The following NHSL1 variants were observed in gnomAD, a reference collection of about 807,000 sequenced individuals.
NHSL1 encodes the protein NHS like 1, also known as NHS-like protein 1.
NHSL1 carries 48 observed loss-of-function variants against 95.0 expected under a neutral mutation model. The observed-to-expected ratio is 0.51, with a 90% CI of 0.40 to 0.64. NHSL1 has a LOEUF of 0.64. Ranked by LOEUF, NHSL1 falls within the 30% of genes least tolerant of loss-of-function variation. The pLI is 0.00. For missense variants in NHSL1, 1,971 were observed against 2,077.7 expected (o/e 0.95, Z 1.00); for synonymous variants, 783 against 833.9 (o/e 0.94, Z 1.05).
intron 1 of NHSL1, among the ~76,000 whole-genome samples, chr6:138,541,798 C>T (rs76576754): frequency 0.047 from 7,208 of 152,250 alleles, 179 homozygotes; most frequent in East Asian, 0.09. Context: ...TGGGTATGTA[C>T]ATTTTCAACT....
At chr6:138,460,288 G>A (rs1317297899) in intron 3 of NHSL1, among the ~76,000 whole-genome samples, 1 of 151,520 alleles carries the variant, frequency 6.6e-6, no homozygotes, top group Non-Finnish European at 1.5e-5. Context: ...GGTCAGTTTT[G>A]ATACAATGTA....
Position 138,432,619 on chromosome 6 carries a change from A to G in NHSL1, c.1726T>C (p.Ser576Pro), listed in dbSNP as rs1282740234. 6.4e-7 allele frequency: 1 copy of G among 1,551,664 alleles called. No homozygotes were observed. The highest frequency in any genetic ancestry group is 8.7e-7 in the Non-Finnish European group (1 of 1,146,918). Reference sequence around the variant, plus strand: ...CTGCTCATGTTACTTGTGGGAGTGGAATAGCCAGGAGTTGCTAAATGCGGC... The same window carrying G: ...CTGCTCATGTTACTTGTGGGAGTGGGATAGCCAGGAGTTGCTAAATGCGGC... ...LKPHLATPGYSTPTSNMSSCS... is the reference protein window; with the variant it reads ...LKPHLATPGYPTPTSNMSSCS... The change falls in exon 6 of 8, where the codon TCC (serine) becomes CCC (proline). Residue 576 changes from serine to proline, a missense_variant. Around this residue, in one of 3 missense-constraint regions of NHSL1, gnomAD observed 1,602 missense variants for 1,654.5 expected, o/e 0.97. Coordinates refer to ENST00000343505, the MANE Select transcript of NHSL1 (RefSeq NM_001144060.2). This position sits in a 1 kb window ranked among gnomAD's most constrained non-coding sequence, Gnocchi z 4.4.
At chr6:138,489,177 A>G (rs1779885799) in intron 2 of NHSL1, among the ~76,000 whole-genome samples, 1 of 152,184 alleles carries the variant, frequency 6.6e-6, no homozygotes, top group Non-Finnish European at 1.5e-5. Context: ...GATTTGTAAA[A>G]TTATATCTGT....
chr6:138,692,367 G>C lies in NHSL1; in HGVS notation c.96+109C>G. The C allele has an allele frequency of 3.2e-6, 1 of 309,024 alleles. No homozygotes were observed. Among genetic ancestry groups the C allele is most frequent in the Non-Finnish European group, 6.4e-6 (1 of 157,228 alleles). 19.1% of individuals were successfully genotyped at this position (309,024 alleles called of 1,614,324 possible). A position where few individuals can be genotyped will look rare whatever the true frequency, so the allele number is the denominator to read the frequency against. Reference sequence around the variant, plus strand: ...TCCCCACTGGAGACCCCGACATCGCGGGGCTCCGCGGCCCCCGCGCCGACC... The same window carrying C: ...TCCCCACTGGAGACCCCGACATCGCCGGGCTCCGCGGCCCCCGCGCCGACC... On this transcript the variant is annotated intron_variant, in intron 1 of 3. Transcript: ENST00000491526. This position sits in a 1 kb window ranked among gnomAD's most constrained non-coding sequence, Gnocchi z 4.0.
At chr6:138,550,512 C>A (rs1319829522), upstream of NHSL1, among the ~76,000 whole-genome samples, 2 of 152,162 alleles carry the variant, frequency 1.3e-5, no homozygotes, top group African/African-American at 4.8e-5. Flanking sequence ...CCAACCATGA[C>A]CTTAGGGCGG....
chr6:138,537,012 C>T (rs961498037), intron 1 of NHSL1, among the ~76,000 whole-genome samples: 2 of 152,142 alleles, frequency 1.3e-5, no homozygotes, highest in East Asian at 3.9e-4. Flanking sequence ...CAGCAGTCAA[C>T]CTAAAATAAG....
intron 1 of NHSL1, among the ~76,000 whole-genome samples, chr6:138,581,749 A>G (rs970776008): frequency 6.6e-6 from 1 of 151,242 alleles, no homozygotes; most frequent in African/African-American, 2.4e-5. Flanking sequence ...CAGGATCTGC[A>G]AGCATTTACA....
intron 1 of NHSL1, among the ~76,000 whole-genome samples, chr6:138,504,981 C>T (rs1429566640): frequency 6.6e-6 from 1 of 152,150 alleles, no homozygotes; most frequent in Non-Finnish European, 1.5e-5. Context: ...TCTGTTACGA[C>T]CCATGCTTTT....
chr6:138,640,707 A>C (rs1784948783), intron 1 of NHSL1, among the ~76,000 whole-genome samples: 1 of 152,240 alleles, frequency 6.6e-6, no homozygotes, highest in South Asian at 2.1e-4. Flanking sequence ...ACAGAAGGTC[A>C]TTAGTAGCTA....
intron 3 of NHSL1, among the ~76,000 whole-genome samples, chr6:138,470,012 T>C (rs1778650280): frequency 6.6e-6 from 1 of 152,126 alleles, no homozygotes; most frequent in African/African-American, 2.4e-5. Context: ...ATTATGATAG[T>C]ATAATTTGTT....
At chr6:138,539,726 C>A (rs1036191886) in intron 1 of NHSL1, among the ~76,000 whole-genome samples, 1 of 152,180 alleles carries the variant, frequency 6.6e-6, no homozygotes, top group African/African-American at 2.4e-5. Flanking sequence ...TTCAGTTCCA[C>A]AAAATTACCC....
intron 5 of NHSL1, among the ~76,000 whole-genome samples, 187 bp downstream of exon 5, chr6:138,441,796 A>G (rs78032370): frequency 6.6e-6 from 1 of 152,142 alleles, no homozygotes; most frequent in East Asian, 1.9e-4. Context: ...CCAAAATTCA[A>G]TCAACTCTCT....
intron 1 of NHSL1, among the ~76,000 whole-genome samples, chr6:138,496,573 G>C (rs939091025): frequency 6.6e-6 from 1 of 152,122 alleles, no homozygotes; most frequent in Non-Finnish European, 1.5e-5. Flanking sequence ...AGCTGAAAGT[G>C]TCCACCCTCC....
At chr6:138,467,498 T>G (rs960945631) in intron 3 of NHSL1, among the ~76,000 whole-genome samples, 1 of 152,204 alleles carries the variant, frequency 6.6e-6, no homozygotes, top group African/African-American at 2.4e-5. Context: ...TGAAAAAAAC[T>G]TAACTGTAAA....
intron 1 of NHSL1, among the ~76,000 whole-genome samples, chr6:138,659,140 T>C (rs1785194152): frequency 6.6e-6 from 1 of 151,156 alleles, no homozygotes; most frequent in Admixed American, 6.6e-5. Flanking sequence ...ACCTCCACTT[T>C]CCGAGTTCAA....
chr6:138,424,910 C>G lies in NHSL1; in HGVS notation c.4086-94G>C. 1 of 1,008,982 alleles carries G rather than the reference C, an allele frequency of 9.9e-7. No individual in the cohort carries two copies. Among genetic ancestry groups the G allele is most frequent in the Non-Finnish European group, 1.4e-6 (1 of 701,302 alleles). The allele number at this position is 1,008,982 out of a possible 1,614,324, so 62.5% of individuals were successfully genotyped here. A position where few individuals can be genotyped will look rare whatever the true frequency, so the allele number is the denominator to read the frequency against. On this transcript the variant is annotated intron_variant, in intron 7 of 7. Transcript: ENST00000343505. This position sits in a 1 kb window ranked among gnomAD's most constrained non-coding sequence, Gnocchi z 5.9. ...CTGCTCTTATCGCATCTTCAGGTCA[C>G]CATCTACTTAAGATTCACTTTCAAA...
intron 1 of NHSL1, among the ~76,000 whole-genome samples, chr6:138,513,663 T>C (rs1194879272): frequency 6.6e-6 from 1 of 152,200 alleles, no homozygotes; most frequent in Non-Finnish European, 1.5e-5. Flanking sequence ...AGAGGGCCAG[T>C]GGATTGGCCT....
intron 1 of NHSL1, among the ~76,000 whole-genome samples, chr6:138,593,396 T>C (rs1049800641): frequency 1.3e-5 from 2 of 152,236 alleles, no homozygotes; most frequent in African/African-American, 4.8e-5. Context: ...CTGTTCCAAA[T>C]GCTGGGCTTT....
At chr6:138,485,556 T>C (rs1779676495) in intron 2 of NHSL1, among the ~76,000 whole-genome samples, 1 of 151,520 alleles carries the variant, frequency 6.6e-6, no homozygotes, top group Admixed American at 6.6e-5. Context: ...CCAACTTCCC[T>C]CTCCCGAGTT....
Sources: gnomAD v4.1 joint callset for allele counts (sites outside exome capture counted in the v4.1 genomes callset) on GRCh38, gnomAD v4.1.1 for gene constraint, gnomAD v4.1.1 regional missense constraint, Gnocchi (gnomAD v3.1) non-coding constraint, MANE v1.5 for transcripts, NCBI Gene and HGNC (gene_info 2026-07-23, HGNC 2026-07-21) for gene names.